COL6A6: variants seen among roughly 807,000 people sequenced by gnomAD.
COL6A6 encodes collagen alpha-6(VI) chain.
A neutral mutation model predicts 208.6 loss-of-function variants in COL6A6; 183 were observed. The ratio of observed to expected loss-of-function variants is 0.88; its 90% CI spans 0.78 to 0.99. COL6A6 has a LOEUF of 0.99. Among genes scored for constraint, COL6A6 ranks in the 50% least tolerant of loss-of-function variants. The probability of loss-of-function intolerance (pLI) is 0.00; values close to 1 mark genes in which losing one functional copy is unlikely to be tolerated. For synonymous variants in COL6A6, 973 were observed against 1,011.8 expected (o/e 0.96, Z 0.73); for missense variants, 2,816 against 2,815.2 (o/e 1.00, Z -0.01).
chr3:130,579,435 T>C (rs2063370690), intron 8 of COL6A6, among the ~76,000 whole-genome samples: 1 of 152,214 alleles, frequency 6.6e-6, no homozygotes, highest in African/African-American at 2.4e-5. Context: ...GTGACCAGCA[T>C]GTGACTGAAA....
chr3:130,614,825 TC>T (rs2064467308), intron 23 of COL6A6, among the ~76,000 whole-genome samples: 1 of 152,094 alleles, frequency 6.6e-6, no homozygotes, highest in East Asian at 1.9e-4. Flanking sequence ...CTCTGAGAGG[TC>T]TTTTTGTATT....
intron 17 of COL6A6, 144 bp downstream of exon 17, chr3:130,593,396 A>G (rs565543166): frequency 3.7e-4 from 256 of 699,474 alleles, no homozygotes; most frequent in Non-Finnish European, 5.8e-4. Context: ...ATGAACATTT[A>G]TTTCTTATGT....
chr3:130,661,287 ACT>A (rs2065924037), intron 34 of COL6A6, among the ~76,000 whole-genome samples: 1 of 152,208 alleles, frequency 6.6e-6, no homozygotes, highest in Non-Finnish European at 1.5e-5. Flanking sequence ...GGGATGAGTC[ACT>A]GTTATGTTGT....
chr3:130,539,500 G>A (rs1286347832), intron 1 of COL6A6, among the ~76,000 whole-genome samples: 1 of 152,168 alleles, frequency 6.6e-6, no homozygotes, highest in Admixed American at 6.5e-5. Context: ...CGGGTGTGGT[G>A]GTGGGCGCCT....
intron 23 of COL6A6, among the ~76,000 whole-genome samples, chr3:130,616,551 T>TG (rs763679399): frequency 1.9e-3 from 52 of 27,800 alleles, no homozygotes; most frequent in Middle Eastern, 0.017. Context: ...AATCAATGCC[T>TG]GAAAAAAAAA....
chr3:130,675,638 G>A lies in COL6A6; in HGVS notation c.*241G>A, dbSNP rs2066341208. The A allele has an allele frequency of 8.5e-5, 32 of 376,888 alleles. No homozygotes were observed. In the South Asian group the frequency reaches 2.4e-3, roughly 29 times the overall value. 23.3% of individuals were successfully genotyped at this position (376,888 alleles called of 1,614,324 possible). On this transcript the variant is annotated 3_prime_UTR_variant, in exon 37 of 37. Transcript: ENST00000358511. ...TAGAAGACAGAAGAATGAAAGAAGT[G>A]TTTTGAAAAGTCTAATGGAGATATA...
rs187756405 is a variant in COL6A6, at chr3:130,546,562, A to C, written c.-31-13772A>C. Among the ~76,000 whole-genome samples, 84 of 152,298 alleles carry C rather than the reference A, an allele frequency of 5.5e-4. 1 individual carries two copies. In the East Asian group the frequency reaches 0.016, roughly 28 times the overall value. On this transcript the variant is annotated intron_variant, in intron 1 of 36. Transcript: ENST00000358511. ...TTTATTCCCTTATCTGACCCCACCC[A>C]CATCCTGCTGATTGGCCCATTTTAC...
Position 130,592,924 on chromosome 3 carries a change from C to T in COL6A6, c.4372-137C>T. On this transcript the variant is annotated intron_variant, in intron 15 of 36. Coordinates refer to ENST00000358511, the MANE Select transcript of COL6A6 (RefSeq NM_001102608.3). ...GTTGATAGTTTCTATTACTGAGTAA[C>T]CTTTAATATTAATAACCCAGGCCCA... 9 of 872,356 alleles carry T rather than the reference C, an allele frequency of 1.0e-5. No homozygotes were observed. The Admixed American group carries it at 2.0e-4, about 20-fold the overall frequency. The allele number at this position is 872,356 out of a possible 1,614,324, so 54.0% of individuals were successfully genotyped here. A position where few individuals can be genotyped will look rare whatever the true frequency, so the allele number is the denominator to read the frequency against.
chr3:130,557,051 C>T lies in COL6A6; in HGVS notation c.-31-3283C>T, dbSNP rs1016362393. Among the ~76,000 whole-genome samples the T allele has an allele frequency of 7.2e-5, 11 of 152,246 alleles. No homozygotes were observed. In the East Asian group the frequency reaches 1.9e-3, roughly 27 times the overall value. On this transcript the variant is annotated intron_variant, in intron 1 of 36. Coordinates refer to ENST00000358511, the MANE Select transcript of COL6A6 (RefSeq NM_001102608.3). ...TGCTTGGACTGAGAGAGACTGTAAT[C>T]CCTTATGCTTGAGATTAGGAACCTA...
chr3:130,669,969 CCTA>C (rs920898597), intron 36 of COL6A6, among the ~76,000 whole-genome samples: 3 of 152,202 alleles, frequency 2.0e-5, no homozygotes, highest in Non-Finnish European at 2.9e-5. Context: ...TGGCGATGTG[CCTA>C]CTTTTATTGT....
At chr3:130,651,496 G>C (rs2065645152) in intron 33 of COL6A6, among the ~76,000 whole-genome samples, 1 of 150,460 alleles carries the variant, frequency 6.6e-6, no homozygotes, top group Non-Finnish European at 1.5e-5. Context: ...GCTTGATCCT[G>C]AACAAAAATT....
At chr3:130,533,492 G>A (rs530171368) in intron 1 of COL6A6, among the ~76,000 whole-genome samples, 1 of 152,196 alleles carries the variant, frequency 6.6e-6, no homozygotes, top group South Asian at 2.1e-4. Flanking sequence ...ACACAGAAAA[G>A]CATAGTGAAT....
At position 130,571,206 on chromosome 3, in the gene COL6A6, T is replaced by G. The variant is rs1403321500; in HGVS notation, c.2790T>G (p.Asn930Lys). ...AATCCCATGATGCTGATAAACTCAA[T>G]GCCACGGCAAAGGCCTTGCGGGACA... is the stretch of plus-strand genomic sequence containing the variant. ...DGESHDADKL[N>K]ATAKALRDKG... The change falls in exon 7 of 37, where the codon AAT becomes AAG. Residue 930 changes from asparagine (N) to lysine (K), a missense_variant. By Grantham distance (94) the Asn-to-Lys change is moderately conservative (BLOSUM62 0). Transcript: ENST00000358511. The G allele has an allele frequency of 6.2e-7, 1 of 1,613,676 alleles. No homozygotes were observed. The highest frequency in any genetic ancestry group is 1.7e-5 in the Admixed American group (1 of 60,000).
chr3:130,551,234 A>G (rs968835220), intron 1 of COL6A6, among the ~76,000 whole-genome samples: 15 of 152,108 alleles, frequency 9.9e-5, no homozygotes, highest in African/African-American at 3.4e-4. Flanking sequence ...AAATAGTTTC[A>G]GTAGGAATAG....
chr3:130,642,099 G>A (rs879825973), intron 29 of COL6A6, among the ~76,000 whole-genome samples: 56 of 152,254 alleles, frequency 3.7e-4, no homozygotes, highest in African/African-American at 1.2e-3. Context: ...TGCTTCAGGA[G>A]GTCAGGGGGG....
rs772659928 is a variant in COL6A6 at position 130,675,241 on chromosome 3, T to C, written c.6636T>C (p.Asp2212=). ...CACTTAAAGCTACCCTCAAAGAAGA[T>C]GTATTACAGAAGGCAAAATTCTTTC... ...PGPLKATLKE[D]VLQKAKFFQD... is the part of the protein sequence containing the mutation. The change falls in exon 37 of 37, where the codon GAT becomes GAC. Residue 2212 remains aspartate, a synonymous_variant. Transcript: ENST00000358511. The C allele has an allele frequency of 3.1e-6, 5 of 1,587,872 alleles. No individual in the cohort carries two copies. The highest frequency in any genetic ancestry group is 4.3e-6 in the Non-Finnish European group (5 of 1,165,992).
intron 7 of COL6A6, among the ~76,000 whole-genome samples, chr3:130,572,083 C>T (rs1018418508): frequency 6.6e-6 from 1 of 152,038 alleles, no homozygotes; most frequent in African/African-American, 2.4e-5. Flanking sequence ...AACAAATTCT[C>T]CTCCTAAGAA....
chr3:130,662,868 T>C (rs199558056), intron 35 of COL6A6, among the ~76,000 whole-genome samples: 1 of 152,094 alleles, frequency 6.6e-6, no homozygotes, highest in Non-Finnish European at 1.5e-5. Context: ...ATGCCAGTAA[T>C]TAGAGTAACT....
At chr3:130,650,576 C>T (rs1475369507) in intron 33 of COL6A6, among the ~76,000 whole-genome samples, 2 of 151,128 alleles carry the variant, frequency 1.3e-5, no homozygotes, top group Non-Finnish European at 2.9e-5. Flanking sequence ...TGCCATTGCA[C>T]TCCAGCCTGG....
Sources: allele counts gnomAD v4.1 joint callset (sites outside exome capture counted in the v4.1 genomes callset), GRCh38; gene constraint gnomAD v4.1.1; transcripts MANE v1.5; gene names NCBI Gene and HGNC (gene_info 2026-07-23, HGNC 2026-07-21).